CLEC2D: variants seen among roughly 807,000 people sequenced by gnomAD.
The protein encoded by CLEC2D is C-type lectin related f.
A neutral mutation model predicts 20.0 loss-of-function variants in CLEC2D; 16 were observed. The observed-to-expected ratio is 0.80, with a 90% confidence interval of 0.54 to 1.22. The LOEUF is 1.22. CLEC2D is among the 50% of genes most tolerant of loss of function. CLEC2D has a pLI of 0.00. For synonymous variants in CLEC2D, 77 were observed against 71.1 expected (o/e 1.08, Z -0.42); for missense variants, 207 against 221.5 (o/e 0.93, Z 0.42).
chr12:9,690,386 A>C (rs1311363274), intron 3 of CLEC2D, among the ~76,000 whole-genome samples: 1 of 152,146 alleles, frequency 6.6e-6, no homozygotes, highest in East Asian at 1.9e-4. Flanking sequence ...GGCTGAACTG[A>C]AAGTACACTA....
intron 1 of CLEC2D, among the ~76,000 whole-genome samples, chr12:9,670,023 ATGAGATAAGGT>A (rs1028197739): frequency 4.1e-5 from 5 of 122,188 alleles, no homozygotes; most frequent in African/African-American, 1.4e-4. Context: ...ATGTAAGACA[ATGAGATAAGGT>A]TAAGTTTAGG....
chr12:9,677,440 TC>T (rs775246876), intron 1 of CLEC2D, among the ~76,000 whole-genome samples: 1 of 152,138 alleles, frequency 6.6e-6, no homozygotes, highest in Non-Finnish European at 1.5e-5. Context: ...AAATTTTCTT[TC>T]TGTTATTGAC....
chr12:9,678,590 A>T (rs1397633675), intron 1 of CLEC2D, among the ~76,000 whole-genome samples: 1 of 151,932 alleles, frequency 6.6e-6, no homozygotes, highest in Non-Finnish European at 1.5e-5. Context: ...ATTAGGCTAG[A>T]GTGTGGTGGT....
chr12:9,691,624 T>C (rs962844324), intron 3 of CLEC2D, among the ~76,000 whole-genome samples: 1 of 152,136 alleles, frequency 6.6e-6, no homozygotes, highest in African/African-American at 2.4e-5. Flanking sequence ...GTCACGCATA[T>C]GTAGAAATTT....
chr12:9,685,586 C>T (rs2120945400), intron 2 of CLEC2D, among the ~76,000 whole-genome samples: 1 of 152,284 alleles, frequency 6.6e-6, no homozygotes, highest in South Asian at 2.1e-4. Flanking sequence ...GGCTTTGCTG[C>T]ACTGGCTTTG....
chr12:9,685,011 G>A (rs1349345978), intron 2 of CLEC2D, among the ~76,000 whole-genome samples: 1 of 152,146 alleles, frequency 6.6e-6, no homozygotes, highest in African/African-American at 2.4e-5. Context: ...TCTGGACATG[G>A]GCTTGTTTTG....
At chr12:9,693,001 T>C (rs1475935034) in intron 4 of CLEC2D, 70 bp downstream of exon 4, 2 of 1,599,914 alleles carry the variant, frequency 1.3e-6, no homozygotes, top group Non-Finnish European at 1.7e-6. Context: ...AAGTGTTCTC[T>C]AGTTACATGC....
rs1865949237 is a variant in CLEC2D, at chr12:9,695,003, T to G, written c.*129T>G. On this transcript the variant is annotated 3_prime_UTR_variant, in exon 5 of 5. Transcript: ENST00000290855. ...AAATATGCTCAATATCACTAATAAC[T>G]GGGAAAATACAAATCAAAATCATAG... is the stretch of plus-strand genomic sequence containing the variant. The G allele has an allele frequency of 1.6e-6, 1 of 616,302 alleles. No individual in the cohort carries two copies. Among genetic ancestry groups the G allele is most frequent in the East Asian group, 2.8e-5 (1 of 36,254 alleles). The allele number at this position is 616,302 out of a possible 1,614,324, so 38.2% of individuals were successfully genotyped here.
At chr12:9,675,831 T>G (rs2895988) in intron 1 of CLEC2D, among the ~76,000 whole-genome samples, 54,532 of 152,150 alleles carry the variant, frequency 0.36, 11,189 homozygotes, top group East Asian at 0.59. Flanking sequence ...GTTTGTAGTT[T>G]TCCACATATA....
intron 3 of CLEC2D, among the ~76,000 whole-genome samples, chr12:9,691,844 TA>T (rs1217022080): frequency 2.0e-5 from 3 of 152,060 alleles, no homozygotes; most frequent in Non-Finnish European, 4.4e-5. Context: ...TGTAAGGAAC[TA>T]AAAAAAGTAA....
In CLEC2D at chr12:9,689,613, G is replaced by A. The variant is rs191161489; in HGVS notation, c.357+1527G>A. Among the ~76,000 whole-genome samples the A allele has an allele frequency of 5.9e-5, 9 of 152,068 alleles. No homozygotes were observed. The East Asian group carries it at 7.7e-4, about 13-fold the overall frequency. On this transcript the variant is annotated intron_variant, in intron 3 of 4. Coordinates refer to ENST00000290855, the MANE Select transcript of CLEC2D (RefSeq NM_013269.6). ...ACTAGACAAAAAGCTAAAGGAAACC[G>A]AAAACATAATAAATGAACAAAATTA...
At position 9,695,362 on chromosome 12, in the gene CLEC2D, C is replaced by T. The variant is rs1177460831; in HGVS notation, c.*488C>T. ...TTATCTTCGTCTGCCTTGTCTCCTA[C>T]CTAAGTGTGTGTCGCCACCCGATGG... On this transcript the variant is annotated 3_prime_UTR_variant, in exon 5 of 5. Coordinates refer to ENST00000290855, the MANE Select transcript of CLEC2D (RefSeq NM_013269.6). 2.1e-5 allele frequency: 26 copies of T among 1,258,446 alleles called. No homozygotes were observed. The highest frequency in any genetic ancestry group is 2.5e-5 in the Non-Finnish European group (22 of 872,918). 78.0% of individuals were successfully genotyped at this position (1,258,446 alleles called of 1,614,324 possible). A position where few individuals can be genotyped will look rare whatever the true frequency, so the allele number is the denominator to read the frequency against.
Position 9,699,104 on chromosome 12 carries a change from AT to A in CLEC2D, c.*4232del, listed in dbSNP as rs1315493030. ...AGGCCATTTATGTGATCTTCACCCC[AT>A]TAAGTTCTCCCCAAATTATTTACTC... On this transcript the variant is annotated 3_prime_UTR_variant, in exon 5 of 5. Coordinates refer to ENST00000290855, the MANE Select transcript of CLEC2D (RefSeq NM_013269.6). The A allele has an allele frequency of 6.6e-6, 1 of 152,072 alleles. No individual in the cohort carries two copies. 9.4% of individuals were successfully genotyped at this position (152,072 alleles called of 1,614,324 possible). A position where few individuals can be genotyped will look rare whatever the true frequency, so the allele number is the denominator to read the frequency against.
chr12:9,683,217 T>A (rs1345937903), intron 2 of CLEC2D, among the ~76,000 whole-genome samples: 1 of 152,080 alleles, frequency 6.6e-6, no homozygotes, highest in Admixed American at 6.6e-5. Flanking sequence ...TTGTAAATTT[T>A]TTTAAGTTCC....
In CLEC2D at chr12:9,680,711, A is replaced by G. The variant is rs113682326; in HGVS notation, c.62-212A>G. 5.3e-5 allele frequency among the ~76,000 whole-genome samples: 8 copies of G among 152,334 alleles called. 1 individual carries two copies. The highest frequency in any genetic ancestry group is 1.9e-4 in the African/African-American group (8 of 41,580). On this transcript the variant is annotated intron_variant, in intron 1 of 4. Transcript: ENST00000290855. ...CTCCAATTGAAAGGGTAACTTGAAT[A>G]TGGTAGCTGGAAAGTTAAAATCAAT...
At chr12:9,671,364 GCGCCCGCCACCACGC>G (rs972659572) in intron 1 of CLEC2D, among the ~76,000 whole-genome samples, 4 of 152,170 alleles carry the variant, frequency 2.6e-5, no homozygotes, top group African/African-American at 9.7e-5. Flanking sequence ...GGGACTACAG[GCGCCCGCCACCACGC>G]CCGGCTACTT....
At position 9,694,810 on chromosome 12, in the gene CLEC2D, C is replaced by G; in HGVS notation, c.512C>G (p.Ala171Gly). The change falls in exon 5 of 5, where the codon GCC (alanine) becomes GGC (glycine). Residue 171 changes from alanine to glycine, a missense_variant. Ala to Gly is a moderately conservative substitution (Grantham distance 60). Transcript: ENST00000290855. The stretch of plus-strand genomic sequence containing the variant: ...TGTGCCTATTTGAATGACAAAGGTG[C>G]CAGTAGTGCCAGGCACTACACAGAG... ...GECAYLNDKG[A>G]SSARHYTERK... 2.5e-6 allele frequency: 4 copies of G among 1,612,648 alleles called. No homozygotes were observed. The highest frequency in any genetic ancestry group is 3.4e-6 in the Non-Finnish European group (4 of 1,178,852).
intron 2 of CLEC2D, among the ~76,000 whole-genome samples, chr12:9,684,358 T>C (rs964150864): frequency 1.3e-5 from 2 of 152,206 alleles, no homozygotes; most frequent in Non-Finnish European, 2.9e-5. Context: ...TCCTGTTGAA[T>C]ACACTTTCTT....
intron 2 of CLEC2D, among the ~76,000 whole-genome samples, chr12:9,684,738 A>C (rs1865716185): frequency 6.6e-6 from 1 of 152,036 alleles, no homozygotes; most frequent in African/African-American, 2.4e-5. Context: ...AACTGACTTG[A>C]TCGTGGTGGA....
Sources: allele counts gnomAD v4.1 joint callset (sites outside exome capture counted in the v4.1 genomes callset), GRCh38; gene constraint gnomAD v4.1.1; transcripts MANE v1.5; gene names NCBI Gene and HGNC (gene_info 2026-07-23, HGNC 2026-07-21).